PIEZO1: variants seen among roughly 807,000 people sequenced by gnomAD.
The protein encoded by PIEZO1 is piezo type mechanosensitive ion channel component 1 (Er blood group).
In PIEZO1, 296 loss-of-function variants were observed where a neutral mutation model predicts 297.2. That is an observed-to-expected ratio of 1.00 (90% confidence interval 0.91 to 1.10). PIEZO1 has a LOEUF of 1.10. Among genes scored for constraint, PIEZO1 ranks in the 50% least tolerant of loss-of-function variants. PIEZO1 has a pLI of 0.00. For synonymous variants in PIEZO1, 2,427 were observed against 1,507.5 expected (o/e 1.61, Z -14.13); for missense variants, 5,018 against 3,455.5 (o/e 1.45, Z -11.34).
chr16:88,720,257 C>CGT lies in PIEZO1; in HGVS notation c.5974_5975dup (p.Ser1993ArgfsTer18). ...GTACCTGGTCGTCTGATAGGGAGGA[C>CGT]GTGATGTCTGTGGCCGCCGAGTGCT... On this transcript the variant is annotated frameshift_variant, in exon 42 of 51. Coordinates refer to ENST00000301015, the MANE Select transcript of PIEZO1 (RefSeq NM_001142864.4). LOFTEE classifies it high-confidence loss of function. 1 of 1,550,514 alleles carries CGT rather than the reference C, an allele frequency of 6.4e-7. No homozygotes were observed. Among genetic ancestry groups the CGT allele is most frequent in the Non-Finnish European group, 8.7e-7 (1 of 1,146,966 alleles).
chr16:88,748,495 C>G (rs61374845), intron 2 of PIEZO1, among the ~76,000 whole-genome samples: 36 of 150,350 alleles, frequency 2.4e-4, no homozygotes, highest in African/African-American at 6.7e-4. Flanking sequence ...AGCTCCCCCC[C>G]CCCCCCGCAC....
In PIEZO1 at chr16:88,716,336, C is replaced by T. The variant is rs1327113111; in HGVS notation, c.7049+25G>A. The T allele has an allele frequency of 4.6e-6, 7 of 1,509,546 alleles. No homozygotes were observed. The South Asian group carries it at 5.1e-5, about 11-fold the overall frequency. 93.5% of individuals were successfully genotyped at this position (1,509,546 alleles called of 1,614,324 possible). A position where few individuals can be genotyped will look rare whatever the true frequency, so the allele number is the denominator to read the frequency against. Reference sequence around the variant, plus strand: ...CAGCCAACCTGGCACAGCCCTCCTGCCCACCACCCGGGCCCTTCACTCACA... The same window carrying T: ...CAGCCAACCTGGCACAGCCCTCCTGTCCACCACCCGGGCCCTTCACTCACA... On this transcript the variant is annotated intron_variant, in intron 48 of 50. Transcript: ENST00000301015.
At chr16:88,749,991 C>A (rs1461049084) in intron 1 of PIEZO1, among the ~76,000 whole-genome samples, 2 of 150,678 alleles carry the variant, frequency 1.3e-5, no homozygotes, top group African/African-American at 2.4e-5. Flanking sequence ...CCACTGCACT[C>A]CAGCCTGGGC....
At chr16:88,738,156 A>G (rs1009345892) in intron 7 of PIEZO1, 51 bp from the exon 8 acceptor site, 2 of 1,533,372 alleles carry the variant, frequency 1.3e-6, no homozygotes, top group African/African-American at 1.4e-5. Flanking sequence ...CAGTGGGGCC[A>G]CAGGGGCTAG....
At chr16:88,741,329 G>A in intron 5 of PIEZO1, 149 bp downstream of exon 5, 1 of 699,602 alleles carries the variant, frequency 1.4e-6, no homozygotes, top group Admixed American at 3.0e-5. Flanking sequence ...GCCCCGGGGT[G>A]GGATTTGGAA....
In PIEZO1 at chr16:88,722,616, G is replaced by C. The variant is rs775013154; in HGVS notation, c.4742C>G (p.Thr1581Ser). The C allele has an allele frequency of 1.3e-6, 2 of 1,537,978 alleles. No homozygotes were observed. Among genetic ancestry groups the C allele is most frequent in the East Asian group, 2.4e-5 (1 of 40,846 alleles). ...SQAEATLPGP[T>S]EAPNAPSTVS... is the part of the protein sequence containing the mutation. Reference sequence around the variant, plus strand: ...GGTGCTTGGGGCATTGGGGGCCTCGGTGGGGCCTGGCAGCGTGGCCTCGGC... The same window carrying C: ...GGTGCTTGGGGCATTGGGGGCCTCGCTGGGGCCTGGCAGCGTGGCCTCGGC... The change falls in exon 35 of 51, where the codon ACC becomes AGC. Residue 1581 changes from threonine to serine, a missense_variant. Thr to Ser is a moderately conservative substitution (Grantham distance 58, BLOSUM62 1). Coordinates refer to ENST00000301015, the MANE Select transcript of PIEZO1 (RefSeq NM_001142864.4).
chr16:88,723,038 G>A lies in PIEZO1; in HGVS notation c.4496-29C>T, dbSNP rs1164981553. On this transcript the variant is annotated intron_variant, in intron 33 of 50. Transcript: ENST00000301015. The stretch of plus-strand genomic sequence containing the variant: ...CGGGAGGGCGGGAGGGGGCGCTGGA[G>A]GGGCAGCCTGTGGGGCCAAGAGAGA... 1.1e-5 allele frequency: 17 copies of A among 1,543,364 alleles called. No homozygotes were observed. In the Middle Eastern group the frequency reaches 1.4e-3, roughly 128 times the overall value.
intron 42 of PIEZO1, 22 bp from the exon 43 acceptor site, chr16:88,719,982 A>C: frequency 6.5e-7 from 1 of 1,549,826 alleles, no homozygotes; most frequent in Non-Finnish European, 8.7e-7. Flanking sequence ...TGGCCAGGTC[A>C]AGGACCCCAT....
chr16:88,766,216 C>T (rs955737334), intron 1 of PIEZO1, among the ~76,000 whole-genome samples: 1 of 152,158 alleles, frequency 6.6e-6, no homozygotes, highest in Non-Finnish European at 1.5e-5. Flanking sequence ...AATCAGCAGA[C>T]GGCATGAGGG....
In PIEZO1 at chr16:88,738,211, T is replaced by C. The variant is rs779774781; in HGVS notation, c.848+16A>G. ...CCAGGGTGGCAGGAAAAAGGGGCTG[T>C]GTGGCAAGCCGTTACCTAGCCCAGA... On this transcript the variant is annotated intron_variant, in intron 7 of 50. Coordinates refer to ENST00000301015, the MANE Select transcript of PIEZO1 (RefSeq NM_001142864.4). 8 of 1,534,570 alleles carry C rather than the reference T, an allele frequency of 5.2e-6. No individual in the cohort carries two copies. The Admixed American group carries it at 5.9e-5, about 11-fold the overall frequency.
At chr16:88,779,739 G>A (rs1348619724) in intron 1 of PIEZO1, among the ~76,000 whole-genome samples, 17 of 152,224 alleles carry the variant, frequency 1.1e-4, no homozygotes. Context: ...CTGTGCTCCT[G>A]GGAGCTGCCC....
chr16:88,726,992 G>GCCACCCCTC, intron 24 of PIEZO1, 34 bp from the exon 25 acceptor site: 1 of 1,549,116 alleles, frequency 6.5e-7, no homozygotes, highest in Non-Finnish European at 8.7e-7. Flanking sequence ...GGGCGCCCCG[G>GCCACCCCTC]CCACCCCTCC....
rs955881366 is a variant in PIEZO1 at position 88,732,430 on chromosome 16, C to T, written c.2896G>A (p.Val966Met). The change falls in exon 21 of 51, where the codon GTG becomes ATG. Residue 966 changes from valine to methionine, a missense_variant. By Grantham distance (21) the Val-to-Met change is conservative (BLOSUM62 1). Transcript: ENST00000301015. ...TGCTGGCGGGTGCCGCTGGCAAACA[C>T]GGCCTGGGCAGGCAGCGGGGCCAGC... ...HQLAPLPAQA[V>M]FASGTRQQLD... is the part of the protein sequence containing the mutation. 3.2e-5 allele frequency: 50 copies of T among 1,549,626 alleles called. No homozygotes were observed. Among genetic ancestry groups the T allele is most frequent in the East Asian group, 1.2e-4 (5 of 40,932 alleles).
rs371476657 is a variant in PIEZO1 at position 88,734,955 on chromosome 16, C to T, written c.1768G>A (p.Val590Met). The T allele has an allele frequency of 1.2e-5, 19 of 1,550,402 alleles. No homozygotes were observed. The highest frequency in any genetic ancestry group is 2.7e-5 in the African/African-American group (2 of 73,078). Residue 590 changes from valine (V) to methionine (M), a missense_variant, in exon 14 of 51, where the codon GTG (valine) becomes ATG (methionine). Physicochemically the swap from Val to Met is conservative, Grantham distance 21 (BLOSUM62 1). Transcript: ENST00000301015. Reference sequence around the variant, plus strand: ...ACGAGGCGGCCGGCGAAGCTGACCACGATGAACATGCCAGCACACACATAG... The same window carrying T: ...ACGAGGCGGCCGGCGAAGCTGACCATGATGAACATGCCAGCACACACATAG... ...WIYVCAGMFI[V>M]VSFAGRLVVY...
chr16:88,781,257 G>A (rs567363439), intron 1 of PIEZO1, among the ~76,000 whole-genome samples: 1 of 152,302 alleles, frequency 6.6e-6, no homozygotes, highest in African/African-American at 2.4e-5. Context: ...CTTGGGGCCA[G>A]GATCAGAGAC....
intron 5 of PIEZO1, chr16:88,741,243 GT>G (rs1426327586): frequency 4.2e-6 from 2 of 480,418 alleles, no homozygotes; most frequent in Non-Finnish European, 7.4e-6. Flanking sequence ...CAGATGCCAT[GT>G]CGGGGCGTGG....
intron 10 of PIEZO1, chr16:88,737,115 G>C (rs1296876623): frequency 3.4e-5 from 8 of 235,402 alleles, no homozygotes; most frequent in Non-Finnish European, 5.0e-5. Context: ...AAAGAAAGTA[G>C]CCAGAAAGAG....
At chr16:88,741,457 G>A (rs1194851907) in intron 5 of PIEZO1, 21 bp downstream of exon 5, 7 of 1,523,708 alleles carry the variant, frequency 4.6e-6, no homozygotes, top group African/African-American at 2.8e-5. Context: ...CCTGACACAC[G>A]GGTGACGCAG....
At position 88,735,351 on chromosome 16, in the gene PIEZO1, G is replaced by A. The variant is rs551919321; in HGVS notation, c.1558-105C>T. The A allele has an allele frequency of 5.8e-5, 46 of 795,306 alleles. 1 individual carries two copies. The highest frequency in any genetic ancestry group is 5.6e-4 in the South Asian group (37 of 65,606). 49.3% of individuals were successfully genotyped at this position (795,306 alleles called of 1,614,324 possible). ...TAGCAGGGGGCAAGAGCTCTCAGGCGGCTGGCACCAGCCCATCCACCGCAG... is the reference window on the plus strand; with the variant it reads ...TAGCAGGGGGCAAGAGCTCTCAGGCAGCTGGCACCAGCCCATCCACCGCAG... On this transcript the variant is annotated intron_variant, in intron 12 of 50. Coordinates refer to ENST00000301015, the MANE Select transcript of PIEZO1 (RefSeq NM_001142864.4).
Sources: allele counts gnomAD v4.1 joint callset (sites outside exome capture counted in the v4.1 genomes callset), GRCh38; gene constraint gnomAD v4.1.1; transcripts MANE v1.5; gene names NCBI Gene and HGNC (gene_info 2026-07-23, HGNC 2026-07-21).